LPGAT1: variants seen among roughly 807,000 people sequenced by gnomAD.
The protein encoded by LPGAT1 is lysophosphatidylglycerol acyltransferase 1.
Under a neutral mutation model 47.5 loss-of-function variants are expected in LPGAT1, and 11 were observed. The observed-to-expected ratio is 0.23, with a 90% CI of 0.15 to 0.38. LPGAT1 has a LOEUF of 0.38. LPGAT1 is among the 10% of genes least tolerant of loss of function. The probability of loss-of-function intolerance (pLI) is 1.00; values close to 1 mark genes in which losing one functional copy is unlikely to be tolerated. For missense variants in LPGAT1, 293 were observed against 439.0 expected (o/e 0.67, Z 2.97); for synonymous variants, 138 against 144.2 (o/e 0.96, Z 0.31).
intron 6 of LPGAT1, among the ~76,000 whole-genome samples, chr1:211,757,971 A>G (rs1304453192): frequency 6.6e-6 from 1 of 152,206 alleles, no homozygotes; most frequent in East Asian, 1.9e-4. Flanking sequence ...CTTGCAGTAT[A>G]TATGAAATTC....
chr1:211,788,215 G>A (rs893332612), intron 3 of LPGAT1, among the ~76,000 whole-genome samples: 1 of 152,032 alleles, frequency 6.6e-6, no homozygotes, highest in African/African-American at 2.4e-5. Flanking sequence ...TTAATAGAAT[G>A]ATTTACATAT....
At chr1:211,828,451 T>A (rs1470779378) in intron 2 of LPGAT1, among the ~76,000 whole-genome samples, 1 of 152,176 alleles carries the variant, frequency 6.6e-6, no homozygotes, top group African/African-American at 2.4e-5. Flanking sequence ...GAAATCACAA[T>A]CTATTTAAAG....
intron 6 of LPGAT1, among the ~76,000 whole-genome samples, chr1:211,758,899 TTTTC>T (rs1246118565): frequency 6.6e-6 from 1 of 152,170 alleles, no homozygotes; most frequent in Non-Finnish European, 1.5e-5. Context: ...GCTAAGAGTG[TTTTC>T]TTTTTTATCA....
rs928428085 is a variant in LPGAT1, at chr1:211,743,521, T to G, written c.*6378A>C. On this transcript the variant is annotated 3_prime_UTR_variant, in exon 8 of 8. Transcript: ENST00000366997. Reference sequence around the variant, plus strand: ...CATGTTATGATATGGTCACGCCTGCTCATACAGCTGACTTCTTAGAGCCAA... The same window carrying G: ...CATGTTATGATATGGTCACGCCTGCGCATACAGCTGACTTCTTAGAGCCAA... The G allele has an allele frequency of 6.6e-6, 1 of 151,602 alleles. No homozygotes were observed. The highest frequency in any genetic ancestry group is 6.6e-5 in the Admixed American group (1 of 15,160). The allele number at this position is 151,602 out of a possible 1,614,324, so 9.4% of individuals were successfully genotyped here. A position where few individuals can be genotyped will look rare whatever the true frequency, so the allele number is the denominator to read the frequency against.
chr1:211,787,447 C>T (rs1315914271), intron 4 of LPGAT1, among the ~76,000 whole-genome samples, 185 bp downstream of exon 4: 3 of 137,532 alleles, frequency 2.2e-5, no homozygotes, highest in Non-Finnish European at 4.5e-5. Context: ...GAGATGGTGC[C>T]AATGCACGCT....
chr1:211,752,742 C>CGAAA (rs1657256059), intron 6 of LPGAT1, among the ~76,000 whole-genome samples: 1 of 152,132 alleles, frequency 6.6e-6, no homozygotes, highest in Admixed American at 6.5e-5. Context: ...TTCCCTAAAC[C>CGAAA]TTTTCTATAT....
intron 2 of LPGAT1, among the ~76,000 whole-genome samples, chr1:211,810,908 T>G (rs1558280462): frequency 6.6e-6 from 1 of 152,230 alleles, no homozygotes; most frequent in Non-Finnish European, 1.5e-5. Flanking sequence ...TACTAGACTT[T>G]AGGCCAGGGA....
At position 211,747,135 on chromosome 1, in the gene LPGAT1, C is replaced by A. The variant is rs1656976762; in HGVS notation, c.*2764G>T. 6.6e-6 allele frequency: 1 copy of A among 152,190 alleles called. No individual in the cohort carries two copies. The highest frequency in any genetic ancestry group is 2.1e-4 in the South Asian group (1 of 4,828). 9.4% of individuals were successfully genotyped at this position (152,190 alleles called of 1,614,324 possible). The stretch of plus-strand genomic sequence containing the variant: ...AAAGTACAAATTAGGAACTTTTCTT[C>A]AGTTTTGTACAGTGGCATATTGCTG... On this transcript the variant is annotated 3_prime_UTR_variant, in exon 8 of 8. Transcript: ENST00000366997.
At chr1:211,801,979 T>C (rs935125298) in intron 2 of LPGAT1, among the ~76,000 whole-genome samples, 6 of 151,352 alleles carry the variant, frequency 4.0e-5, no homozygotes, top group Non-Finnish European at 8.8e-5. Flanking sequence ...TCCCAGCTAC[T>C]TGGGAAGCTA....
intron 6 of LPGAT1, among the ~76,000 whole-genome samples, chr1:211,756,576 C>T (rs1331412427): frequency 6.6e-6 from 1 of 152,148 alleles, no homozygotes; most frequent in Admixed American, 6.5e-5. Context: ...TCAAGAGATA[C>T]ACCCTCTTCG....
chr1:211,772,749 G>A (rs1658228113), intron 6 of LPGAT1, among the ~76,000 whole-genome samples: 1 of 152,154 alleles, frequency 6.6e-6, no homozygotes, highest in Admixed American at 6.5e-5. Flanking sequence ...ATGTGCACAT[G>A]AGATTTCATT....
At chr1:211,767,891 G>A (rs1459569768) in intron 6 of LPGAT1, among the ~76,000 whole-genome samples, 3 of 152,146 alleles carry the variant, frequency 2.0e-5, no homozygotes, top group Admixed American at 6.6e-5. Flanking sequence ...TGGGGCTGGG[G>A]CTGAGGGTGG....
chr1:211,790,644 CTAA>C (rs571502301), intron 3 of LPGAT1, among the ~76,000 whole-genome samples: 1 of 151,942 alleles, frequency 6.6e-6, no homozygotes, highest in Non-Finnish European at 1.5e-5. Context: ...TTAGTATTAA[CTAA>C]TCTCAAAATA....
chr1:211,774,597 A>G (rs1658318722), intron 6 of LPGAT1, among the ~76,000 whole-genome samples: 1 of 152,216 alleles, frequency 6.6e-6, no homozygotes, highest in East Asian at 1.9e-4. Flanking sequence ...TCAATTTTTG[A>G]AACACAGCAA....
At chr1:211,797,464 C>T (rs1054585579) in intron 2 of LPGAT1, among the ~76,000 whole-genome samples, 1 of 151,798 alleles carries the variant, frequency 6.6e-6, no homozygotes, top group Non-Finnish European at 1.5e-5. Flanking sequence ...GCAATAAGGT[C>T]GTGTTGAATT....
chr1:211,748,766 C>T lies in LPGAT1; in HGVS notation c.*1133G>A, dbSNP rs1657048946. 1 of 152,612 alleles carries T rather than the reference C, an allele frequency of 6.6e-6. No individual in the cohort carries two copies. The highest frequency in any genetic ancestry group is 2.4e-5 in the African/African-American group (1 of 41,408). The allele number at this position is 152,612 out of a possible 1,614,324, so 9.5% of individuals were successfully genotyped here. A position where few individuals can be genotyped will look rare whatever the true frequency, so the allele number is the denominator to read the frequency against. The stretch of plus-strand genomic sequence containing the variant: ...GGTATCGTTCCTAATTACACTCACC[C>T]TGACAGGGGCAGCTCCTTGATGTAA... On this transcript the variant is annotated 3_prime_UTR_variant, in exon 8 of 8. Coordinates refer to ENST00000366997, the MANE Select transcript of LPGAT1 (RefSeq NM_014873.3).
chr1:211,805,071 A>C (rs1260887896), intron 2 of LPGAT1, among the ~76,000 whole-genome samples: 1 of 151,970 alleles, frequency 6.6e-6, no homozygotes, highest in Non-Finnish European at 1.5e-5. Flanking sequence ...AGAATCAAAA[A>C]ACAAAATACC....
intron 1 of LPGAT1, 140 bp from the exon 2 acceptor site, chr1:211,829,463 CAG>C (rs756687574): frequency 8.7e-5 from 126 of 1,444,490 alleles, no homozygotes; most frequent in Non-Finnish European, 1.1e-4. Context: ...GGTGATCTCT[CAG>C]GGGAAATTCC....
chr1:211,813,282 A>T (rs1408292508), intron 2 of LPGAT1, among the ~76,000 whole-genome samples: 3 of 152,334 alleles, frequency 2.0e-5, no homozygotes, highest in East Asian at 3.9e-4. Context: ...ATAATTTGTT[A>T]AAAATATAAG....
Sources: allele counts gnomAD v4.1 joint callset (sites outside exome capture counted in the v4.1 genomes callset), GRCh38; gene constraint gnomAD v4.1.1; transcripts MANE v1.5; gene names NCBI Gene and HGNC (gene_info 2026-07-23, HGNC 2026-07-21).